MMS22L: variants seen among roughly 807,000 people sequenced by gnomAD.
The protein encoded by MMS22L is protein MMS22-like.
In MMS22L, 74 loss-of-function variants were observed where a neutral mutation model predicts 159.1. The ratio of observed to expected loss-of-function variants is 0.47; its 90% CI spans 0.39 to 0.56. The LOEUF (loss-of-function observed/expected upper bound fraction) is 0.56. Ranked by LOEUF, MMS22L falls within the 20% of genes least tolerant of loss-of-function variation. The pLI, the probability that MMS22L is intolerant of heterozygous loss-of-function variation, is 0.00. For synonymous variants in MMS22L, 517 were observed against 506.9 expected (o/e 1.02, Z -0.27); for missense variants, 1,351 against 1,422.1 (o/e 0.95, Z 0.80).
chr6:97,266,604 T>A (rs1815145964), intron 8 of MMS22L: 1 of 152,248 alleles, frequency 6.6e-6, no homozygotes, highest in African/African-American at 2.4e-5. Flanking sequence ...ACCTTGTATA[T>A]GTGGTCTGTC....
intron 4 of MMS22L, among the ~76,000 whole-genome samples, chr6:97,273,552 C>T (rs915149132): frequency 2.0e-5 from 3 of 152,194 alleles, no homozygotes; most frequent in Admixed American, 6.5e-5. Flanking sequence ...CTCCTTTGCA[C>T]TCCAGACCTT....
At chr6:97,281,880 G>A (rs1480959305) in intron 2 of MMS22L, among the ~76,000 whole-genome samples, 1 of 152,144 alleles carries the variant, frequency 6.6e-6, no homozygotes, top group East Asian at 1.9e-4. Context: ...ACCTGCCCAA[G>A]GCAAAATAAG....
intron 9 of MMS22L, chr6:97,259,625 T>G (rs2128068322): frequency 6.6e-6 from 1 of 152,150 alleles, no homozygotes; most frequent in South Asian, 2.1e-4. Context: ...CTCTGGGTCT[T>G]CAGCTTGCCA....
At chr6:97,214,676 AT>A (rs770886024) in intron 14 of MMS22L, among the ~76,000 whole-genome samples, 14 of 106,172 alleles carry the variant, frequency 1.3e-4, no homozygotes, top group South Asian at 9.9e-4. Flanking sequence ...AGATTTTACT[AT>A]TTTTTTTGTT....
At chr6:97,276,745 C>T (rs1045606461) in intron 4 of MMS22L, among the ~76,000 whole-genome samples, 1 of 152,216 alleles carries the variant, frequency 6.6e-6, no homozygotes, top group Non-Finnish European at 1.5e-5. Context: ...TAATTTCTTC[C>T]CATCTGTGAA....
At chr6:97,256,340 A>G (rs923502835) in intron 9 of MMS22L, among the ~76,000 whole-genome samples, 1 of 152,092 alleles carries the variant, frequency 6.6e-6, no homozygotes, top group Non-Finnish European at 1.5e-5. Context: ...TACTATTACT[A>G]TGTGCTTTAG....
intron 12 of MMS22L, among the ~76,000 whole-genome samples, chr6:97,232,362 T>C (rs1810963655): frequency 6.6e-6 from 1 of 152,214 alleles, no homozygotes; most frequent in Admixed American, 6.5e-5. Flanking sequence ...CTTCTAATTC[T>C]ATCACGTTTT....
chr6:97,164,894 T>C (rs956490740), intron 21 of MMS22L, among the ~76,000 whole-genome samples: 2 of 152,074 alleles, frequency 1.3e-5, no homozygotes, highest in Admixed American at 6.6e-5. Context: ...GCTGGGATTA[T>C]AGGTGTGAGC....
intron 14 of MMS22L, among the ~76,000 whole-genome samples, chr6:97,208,326 T>C (rs972869943): frequency 1.3e-5 from 2 of 152,152 alleles, no homozygotes; most frequent in East Asian, 1.9e-4. Context: ...TCATTGGGCA[T>C]ATTACTGCCA....
intron 14 of MMS22L, among the ~76,000 whole-genome samples, chr6:97,208,951 T>A (rs917602990): frequency 6.6e-6 from 1 of 151,848 alleles, no homozygotes; most frequent in African/African-American, 2.4e-5. Flanking sequence ...TGTTTTAGCA[T>A]TTTTTTCCTC....
intron 14 of MMS22L, among the ~76,000 whole-genome samples, chr6:97,224,902 A>T (rs1437809030): frequency 6.6e-6 from 1 of 152,124 alleles, no homozygotes; most frequent in African/African-American, 2.4e-5. Flanking sequence ...TACCTGTAAA[A>T]ATAAAAAGAA....
intron 14 of MMS22L, among the ~76,000 whole-genome samples, chr6:97,199,374 A>G (rs1045352577): frequency 6.6e-6 from 1 of 152,124 alleles, no homozygotes; most frequent in Non-Finnish European, 1.5e-5. Flanking sequence ...TGTTCCCGTC[A>G]CAGTGAAATT....
intron 12 of MMS22L, 44 bp downstream of exon 12, chr6:97,233,817 A>C (rs759391998): frequency 3.2e-6 from 5 of 1,554,120 alleles, no homozygotes; most frequent in South Asian, 1.2e-5. Flanking sequence ...AATATGTACA[A>C]ATTTTTAAAA....
intron 14 of MMS22L, among the ~76,000 whole-genome samples, chr6:97,209,438 A>C (rs577072882): frequency 6.6e-6 from 1 of 152,064 alleles, no homozygotes; most frequent in African/African-American, 2.4e-5. Flanking sequence ...TAAGAGAGTA[A>C]GTCCATACAA....
intron 14 of MMS22L, among the ~76,000 whole-genome samples, chr6:97,212,423 A>C (rs1049163350): frequency 3.3e-5 from 5 of 152,228 alleles, no homozygotes; most frequent in African/African-American, 1.2e-4. Flanking sequence ...GTACTGATTC[A>C]GAATGGAGCC....
chr6:97,188,443 A>G (rs569385201), intron 14 of MMS22L, among the ~76,000 whole-genome samples: 1 of 152,296 alleles, frequency 6.6e-6, no homozygotes, highest in South Asian at 2.1e-4. Flanking sequence ...AATTCTTTTA[A>G]AATCGGAACA....
intron 14 of MMS22L, among the ~76,000 whole-genome samples, chr6:97,221,513 G>A (rs145369999): frequency 1.7e-4 from 26 of 151,336 alleles, no homozygotes; most frequent in African/African-American, 6.3e-4. Context: ...TAAATAAGGT[G>A]AAAATACTAA....
chr6:97,152,172 C>T (rs897783471), intron 22 of MMS22L, among the ~76,000 whole-genome samples: 2 of 151,974 alleles, frequency 1.3e-5, no homozygotes, highest in African/African-American at 2.4e-5. Context: ...ATCCTACAAA[C>T]AGTAACATAC....
chr6:97,208,716 T>C (rs1056471049), intron 14 of MMS22L, among the ~76,000 whole-genome samples: 1 of 152,108 alleles, frequency 6.6e-6, no homozygotes, highest in African/African-American at 2.4e-5. Context: ...GAACAGCATA[T>C]GAAGGGTATA....
Sources: allele counts gnomAD v4.1 joint callset (sites outside exome capture counted in the v4.1 genomes callset), GRCh38; gene constraint gnomAD v4.1.1; transcripts MANE v1.5; gene names NCBI Gene and HGNC (gene_info 2026-07-23, HGNC 2026-07-21).